The following CR1 variants were observed in gnomAD, a reference collection of about 807,000 sequenced individuals.
The protein encoded by CR1 is complement receptor type 1.
A neutral mutation model predicts 187.3 loss-of-function variants in CR1; 116 were observed. The observed-to-expected ratio is 0.62, with a 90% CI of 0.53 to 0.72. The LOEUF (loss-of-function observed/expected upper bound fraction) is 0.72, where lower values mean the gene tolerates loss of function less well. Among genes scored for constraint, CR1 ranks in the 30% least tolerant of loss-of-function variants. CR1 has a pLI of 0.00. For synonymous variants in CR1, 576 were observed against 747.1 expected (o/e 0.77, Z 3.73); for missense variants, 1,731 against 2,110.7 (o/e 0.82, Z 3.52).
chr1:207,629,171 C>T (rs1041762012), intron 45 of CR1, among the ~76,000 whole-genome samples: 10 of 152,116 alleles, frequency 6.6e-5, no homozygotes, highest in Non-Finnish European at 1.0e-4. Flanking sequence ...GTTACTGCCT[C>T]GTACCCACTC....
chr1:207,496,841 GA>G (rs1334301799), intron 1 of CR1, among the ~76,000 whole-genome samples: 1 of 152,176 alleles, frequency 6.6e-6, no homozygotes, highest in Non-Finnish European at 1.5e-5. Context: ...GTAAAATGGG[GA>G]CACTGGTATC....
At chr1:207,611,898 A>G in intron 38 of CR1, 41 bp from the exon 39 acceptor site, 1 of 1,613,830 alleles carries the variant, frequency 6.2e-7, no homozygotes, top group South Asian at 1.1e-5. Context: ...TTTCCCCTTC[A>G]CATGGAGGAC....
intron 33 of CR1, among the ~76,000 whole-genome samples, chr1:207,586,898 T>A (rs1206085299): frequency 2.0e-5 from 3 of 152,194 alleles, no homozygotes; most frequent in Non-Finnish European, 4.4e-5. Context: ...TTCTGAGGTT[T>A]TAGGTAGAGA....
In CR1 at chr1:207,588,682, A is replaced by G; in HGVS notation, c.5718A>G (p.Ser1906=). 2 of 1,611,660 alleles carry G rather than the reference A, an allele frequency of 1.2e-6. No homozygotes were observed. The highest frequency in any genetic ancestry group is 1.7e-6 in the Non-Finnish European group (2 of 1,178,364). The part of the protein sequence containing the change: ...SSVEDNCRRK[S]CGPPPEPFNG... ...TTCTGCTTCTTCCCCTAGGAAAATC[A>G]TGTGGACCTCCACCAGAACCCTTCA... Residue 1906 remains serine (S), a synonymous_variant, in exon 35 of 47, where the codon TCA becomes TCG. Coordinates refer to ENST00000367049, the MANE Select transcript of CR1 (RefSeq NM_000651.6).
intron 39 of CR1, among the ~76,000 whole-genome samples, chr1:207,613,739 A>G (rs2102390278): frequency 6.6e-6 from 1 of 152,282 alleles, no homozygotes; most frequent in Middle Eastern, 3.4e-3. Context: ...CGGCATTTAC[A>G]AAGTCCACCA....
intron 35 of CR1, among the ~76,000 whole-genome samples, chr1:207,591,640 C>CA (rs1382418918): frequency 2.0e-5 from 3 of 151,942 alleles, no homozygotes; most frequent in African/African-American, 2.4e-5. Context: ...AAAAACCCTT[C>CA]AAAAAATCAA....
intron 2 of CR1, among the ~76,000 whole-genome samples, chr1:207,506,435 T>G (rs1659435049): frequency 6.6e-6 from 1 of 152,226 alleles, no homozygotes; most frequent in South Asian, 2.1e-4. Context: ...TTTGAGATCT[T>G]TGGATTATAC....
At chr1:207,592,440 T>C (rs1038056495) in intron 35 of CR1, among the ~76,000 whole-genome samples, 2 of 152,226 alleles carry the variant, frequency 1.3e-5, no homozygotes, top group Non-Finnish European at 2.9e-5. Flanking sequence ...TGATGGAATA[T>C]GTCCCAAAAT....
chr1:207,564,277 G>A (rs778909422), intron 23 of CR1, 43 bp downstream of exon 23: 1 of 1,594,266 alleles, frequency 6.3e-7, no homozygotes, highest in Non-Finnish European at 8.5e-7. Flanking sequence ...TGAAATTGGG[G>A]TTGGGAATCA....
chr1:207,601,369 G>C (rs909671360), intron 35 of CR1, among the ~76,000 whole-genome samples: 2 of 152,098 alleles, frequency 1.3e-5, no homozygotes, highest in African/African-American at 4.8e-5. Context: ...GTTTAAAATA[G>C]GCAGAATTGC....
Position 207,584,937 on chromosome 1 carries a change from G to C in CR1, c.5530+61G>C, listed in dbSNP as rs528341569. 5 of 1,595,212 alleles carry C rather than the reference G, an allele frequency of 3.1e-6. No individual in the cohort carries two copies. In the South Asian group the frequency reaches 5.6e-5, roughly 18 times the overall value. On this transcript the variant is annotated intron_variant, in intron 33 of 46. Transcript: ENST00000367049. ...AGAATATGTGGACCCAATCCCTCAT[G>C]TTTCTGTAATAAGACTATGGTATTT...
chr1:207,524,576 T>C (rs557753816), intron 5 of CR1, among the ~76,000 whole-genome samples: 9 of 152,052 alleles, frequency 5.9e-5, no homozygotes, highest in East Asian at 3.9e-4. Context: ...TTTGTAGGGA[T>C]AGAGTCTCAC....
In CR1 at chr1:207,630,536, C is replaced by T. The variant is rs1456413643; in HGVS notation, c.7372C>T (p.Pro2458Ser). 8.7e-6 allele frequency: 14 copies of T among 1,606,922 alleles called. No homozygotes were observed. The highest frequency in any genetic ancestry group is 1.3e-5 in the African/African-American group (1 of 74,524). The change falls in exon 46 of 47, where the codon CCT becomes TCT. Residue 2458 changes from proline to serine, a missense_variant. Coordinates refer to ENST00000367049, the MANE Select transcript of CR1 (RefSeq NM_000651.6). ...HRKGNNAHEN[P>S]KEVAIHLHSQ... ...AATTAGCAATAATGCACATGAAAAC[C>T]CTAAAGAAGTGGCTATCCATTTACA...
At position 207,599,342 on chromosome 1, in the gene CR1, A is replaced by G. The variant is rs180823211; in HGVS notation, c.5811-7909A>G. ...ACAGTCACATTAATAAAAGTTTAAAAGACGGAAGTAGAGGTAAATAGGAAT... is the reference window on the plus strand; with the variant it reads ...ACAGTCACATTAATAAAAGTTTAAAGGACGGAAGTAGAGGTAAATAGGAAT... On this transcript the variant is annotated intron_variant, in intron 35 of 46. Transcript: ENST00000367049. 6.6e-3 allele frequency among the ~76,000 whole-genome samples: 1,004 copies of G among 152,346 alleles called. 10 individuals carry two copies. The highest frequency in any genetic ancestry group is 8.9e-3 in the Non-Finnish European group (607 of 68,032).
intron 42 of CR1, among the ~76,000 whole-genome samples, chr1:207,619,661 A>G (rs772992704): frequency 6.6e-6 from 1 of 152,208 alleles, no homozygotes; most frequent in African/African-American, 2.4e-5. Context: ...CAGTGAATGC[A>G]CAGTACATTC....
intron 4 of CR1, among the ~76,000 whole-genome samples, chr1:207,516,191 CAGCCTAGGTGACAA>C (rs1402182733): frequency 6.6e-6 from 1 of 152,148 alleles, no homozygotes; most frequent in Non-Finnish European, 1.5e-5. Context: ...CACTGCACTC[CAGCCTAGGTGACAA>C]AGCCCTGTTT....
At chr1:207,595,184 T>G (rs1661392551) in intron 35 of CR1, among the ~76,000 whole-genome samples, 1 of 148,210 alleles carries the variant, frequency 6.7e-6, no homozygotes, top group Non-Finnish European at 1.5e-5. Context: ...AAGACAAGAT[T>G]GAATTCTCCA....
At chr1:207,582,412 A>G (rs1660984973) in intron 32 of CR1, among the ~76,000 whole-genome samples, 1 of 152,216 alleles carries the variant, frequency 6.6e-6, no homozygotes, top group Admixed American at 6.5e-5. Flanking sequence ...GTGCCAAGCA[A>G]TCTTCTGGGA....
At chr1:207,596,177 T>C (rs984951740) in intron 35 of CR1, among the ~76,000 whole-genome samples, 4 of 151,646 alleles carry the variant, frequency 2.6e-5, no homozygotes, top group African/African-American at 9.7e-5. Context: ...GCTAGCAAGC[T>C]TTCTGTCTCT....
Sources: gnomAD v4.1 joint callset for allele counts (sites outside exome capture counted in the v4.1 genomes callset) on GRCh38, gnomAD v4.1.1 for gene constraint, MANE v1.5 for transcripts, NCBI Gene and HGNC (gene_info 2026-07-23, HGNC 2026-07-21) for gene names.